LHFPL3: variants seen among roughly 807,000 people sequenced by gnomAD.
The protein encoded by LHFPL3 is LHFPL tetraspan subfamily member 3.
In LHFPL3, 5 loss-of-function variants were observed where a neutral mutation model predicts 19.3. That is an observed-to-expected ratio of 0.26 (90% confidence interval 0.14 to 0.54). The LOEUF is 0.54. LHFPL3 is among the 20% of genes least tolerant of loss of function. The pLI is 0.94. For missense variants in LHFPL3, 249 were observed against 307.4 expected (o/e 0.81, Z 1.42); for synonymous variants, 133 against 126.2 (o/e 1.05, Z -0.36).
At chr7:104,802,747 C>G (rs930763629) in intron 2 of LHFPL3, 1 of 152,184 alleles carries the variant, frequency 6.6e-6, no homozygotes, top group African/African-American at 2.4e-5. Context: ...GTAGACCAGC[C>G]TGTAGACTGT....
chr7:104,780,178 AC>A (rs1042642994), intron 2 of LHFPL3, among the ~76,000 whole-genome samples: 1 of 152,168 alleles, frequency 6.6e-6, no homozygotes, highest in African/African-American at 2.4e-5. Context: ...CACCCCACAT[AC>A]CAGTGGCCAC....
chr7:104,451,235 A>G (rs1353945700), intron 1 of LHFPL3, among the ~76,000 whole-genome samples: 1 of 152,228 alleles, frequency 6.6e-6, no homozygotes, highest in African/African-American at 2.4e-5. Context: ...AAAAGAAGGG[A>G]TACCACTAAC....
chr7:104,394,457 T>C (rs1791142764), intron 1 of LHFPL3, among the ~76,000 whole-genome samples: 1 of 152,170 alleles, frequency 6.6e-6, no homozygotes, highest in Admixed American at 6.5e-5. Context: ...TTCATACTCA[T>C]AAAGAGATAA....
intron 1 of LHFPL3, among the ~76,000 whole-genome samples, chr7:104,624,132 G>A (rs147950546): frequency 6.6e-6 from 1 of 152,238 alleles, no homozygotes; most frequent in East Asian, 1.9e-4. Flanking sequence ...GGGTTTTTCA[G>A]GCATTCAGGA....
intron 1 of LHFPL3, among the ~76,000 whole-genome samples, chr7:104,419,951 G>A (rs1179972155): frequency 6.6e-6 from 1 of 151,756 alleles, no homozygotes; most frequent in East Asian, 2.0e-4. Context: ...GTCTCCCAGA[G>A]TTAAAAACAA....
intron 2 of LHFPL3, among the ~76,000 whole-genome samples, chr7:104,842,095 A>G (rs28590056): frequency 6.6e-6 from 1 of 151,498 alleles, no homozygotes; most frequent in South Asian, 2.1e-4. Flanking sequence ...CAGCACTTTT[A>G]TAGAGGATTA....
At chr7:104,340,916 T>C (rs561317407) in intron 1 of LHFPL3, among the ~76,000 whole-genome samples, 1 of 152,334 alleles carries the variant, frequency 6.6e-6, no homozygotes, top group Non-Finnish European at 1.5e-5. Context: ...AAGGAAGCCA[T>C]GTTTTGAAGA....
intron 1 of LHFPL3, among the ~76,000 whole-genome samples, chr7:104,437,608 A>G (rs1792136239): frequency 6.6e-6 from 1 of 152,042 alleles, no homozygotes; most frequent in South Asian, 2.1e-4. Flanking sequence ...GTTCCTACAA[A>G]CCCCTTCTCC....
chr7:104,814,240 T>G (rs2116508312), intron 2 of LHFPL3, among the ~76,000 whole-genome samples: 1 of 152,240 alleles, frequency 6.6e-6, no homozygotes, highest in Middle Eastern at 3.4e-3. Context: ...TCTCTGCAGC[T>G]GGTTGTCCCA....
intron 1 of LHFPL3, among the ~76,000 whole-genome samples, chr7:104,506,863 A>G (rs912105071): frequency 6.6e-6 from 1 of 152,202 alleles, no homozygotes. Context: ...TCAGCAAAAG[A>G]CTGAGGAATA....
chr7:104,859,231 C>T (rs1472566594), intron 2 of LHFPL3, among the ~76,000 whole-genome samples: 2 of 150,406 alleles, frequency 1.3e-5, no homozygotes, highest in Non-Finnish European at 2.9e-5. Flanking sequence ...CATACCACTG[C>T]ACTCCAGCCT....
intron 1 of LHFPL3, among the ~76,000 whole-genome samples, chr7:104,349,090 A>C (rs1354255765): frequency 6.6e-6 from 1 of 152,180 alleles, no homozygotes; most frequent in Admixed American, 6.5e-5. Flanking sequence ...GAAGACAAAA[A>C]CACAAGACAT....
At chr7:104,333,431 G>T (rs1801607289) in intron 1 of LHFPL3, among the ~76,000 whole-genome samples, 2 of 152,110 alleles carry the variant, frequency 1.3e-5, no homozygotes, top group African/African-American at 4.8e-5. Context: ...GGAGAGATGA[G>T]GACAGAATGG....
chr7:104,467,128 T>A (rs1792804193), intron 1 of LHFPL3, among the ~76,000 whole-genome samples: 1 of 152,216 alleles, frequency 6.6e-6, no homozygotes, highest in African/African-American at 2.4e-5. Flanking sequence ...CACCTACAGT[T>A]AGTCACAAGA....
chr7:104,425,479 C>T (rs1177747710), intron 1 of LHFPL3, among the ~76,000 whole-genome samples: 3 of 151,850 alleles, frequency 2.0e-5, no homozygotes, highest in Non-Finnish European at 4.4e-5. Flanking sequence ...ACATTAGGTG[C>T]TCAATAAATG....
chr7:104,347,809 T>C (rs1184800864), intron 1 of LHFPL3, among the ~76,000 whole-genome samples: 1 of 151,922 alleles, frequency 6.6e-6, no homozygotes, highest in East Asian at 1.9e-4. Flanking sequence ...GGAGAATCTC[T>C]TGAACCCGGG....
At chr7:104,731,148 C>G (rs1350389627) in intron 1 of LHFPL3, among the ~76,000 whole-genome samples, 4 of 151,728 alleles carry the variant, frequency 2.6e-5, no homozygotes. Flanking sequence ...GTTACTGTAC[C>G]CTTGTAGTAT....
intron 2 of LHFPL3, among the ~76,000 whole-genome samples, chr7:104,779,727 G>A (rs1794689276): frequency 6.6e-6 from 1 of 152,204 alleles, no homozygotes. Context: ...ATTCAGCACT[G>A]ATATGCGCTG....
At chr7:104,497,193 G>C (rs1280335459) in intron 1 of LHFPL3, among the ~76,000 whole-genome samples, 1 of 150,482 alleles carries the variant, frequency 6.6e-6, no homozygotes. Flanking sequence ...ATTCTTCCCA[G>C]AGCATGTCTT....
Sources: gnomAD v4.1 joint callset for allele counts (sites outside exome capture counted in the v4.1 genomes callset) on GRCh38, gnomAD v4.1.1 for gene constraint, MANE v1.5 for transcripts, NCBI Gene and HGNC (gene_info 2026-07-23, HGNC 2026-07-21) for gene names.